The following PIEZO2 variants were observed in gnomAD, a reference collection of about 807,000 sequenced individuals.
The protein encoded by PIEZO2 is piezo-type mechanosensitive ion channel component 2.
In PIEZO2, 172 loss-of-function variants were observed where a neutral mutation model predicts 337.3. The ratio of observed to expected loss-of-function variants is 0.51; its 90% CI spans 0.45 to 0.58. PIEZO2 has a LOEUF of 0.58. PIEZO2 is among the 20% of genes least tolerant of loss of function. The pLI, the probability that PIEZO2 is intolerant of heterozygous loss-of-function variation, is 0.00. For synonymous variants in PIEZO2, 1,251 were observed against 1,228.5 expected (o/e 1.02, Z -0.38); for missense variants, 3,028 against 3,391.3 (o/e 0.89, Z 2.66).
chr18:10,707,102 G>A lies in PIEZO2; in HGVS notation c.5588+1173C>T, dbSNP rs555057758. On this transcript the variant is annotated intron_variant, in intron 40 of 55. Coordinates refer to ENST00000674853, the MANE Select transcript of PIEZO2 (RefSeq NM_001378183.1). The surrounding 1 kb of genome is among the most constrained non-coding windows in gnomAD (Gnocchi z 4.2). ...GTCCTTGAGTGCGCACATCATGTAC[G>A]GGCTGGTGAAATGCCAGCCCAAAAC... Among the ~76,000 whole-genome samples the A allele has an allele frequency of 2.0e-5, 3 of 152,196 alleles. No individual in the cohort carries two copies. Among genetic ancestry groups the A allele is most frequent in the Non-Finnish European group, 2.9e-5 (2 of 68,002 alleles).
intron 2 of PIEZO2, among the ~76,000 whole-genome samples, chr18:11,024,957 A>T (rs1321934254): frequency 1.9e-4 from 28 of 148,106 alleles, no homozygotes; most frequent in African/African-American, 2.5e-4. Context: ...TTTTTTTTTT[A>T]AATAATATTT....
intron 1 of PIEZO2, among the ~76,000 whole-genome samples, chr18:11,114,336 T>C (rs555435983): frequency 2.0e-5 from 3 of 152,324 alleles, no homozygotes. Context: ...GAAAGAGGCA[T>C]GTACAACTGT....
rs540599052 is a variant in PIEZO2 at position 10,847,930 on chromosome 18, A to G, written c.917+7423T>C. ...GTTGGGTTCATTTGCATTCCTTAGC[A>G]TTATAATAACGTGCTTTACATTTGT... On this transcript the variant is annotated intron_variant, in intron 7 of 55. Transcript: ENST00000674853. The surrounding 1 kb of genome is among the most constrained non-coding windows in gnomAD (Gnocchi z 5.7). Among the ~76,000 whole-genome samples, 1 of 152,324 alleles carries G rather than the reference A, an allele frequency of 6.6e-6. No homozygotes were observed. Among genetic ancestry groups the G allele is most frequent in the East Asian group, 1.9e-4 (1 of 5,178 alleles).
chr18:11,000,236 A>G (rs954212343), intron 2 of PIEZO2, among the ~76,000 whole-genome samples: 1 of 152,164 alleles, frequency 6.6e-6, no homozygotes, highest in Non-Finnish European at 1.5e-5. Flanking sequence ...CAAGTGGGAT[A>G]TGGAATTCCC....
Position 11,002,961 on chromosome 18 carries a change from CAG to C in PIEZO2, c.161-23303_161-23302del, listed in dbSNP as rs1255059844. Among the ~76,000 whole-genome samples the C allele has an allele frequency of 6.6e-5, 10 of 152,178 alleles. No homozygotes were observed. Among genetic ancestry groups the C allele is most frequent in the Non-Finnish European group, 1.5e-4 (10 of 68,038 alleles). On this transcript the variant is annotated intron_variant, in intron 2 of 55. Coordinates refer to ENST00000674853, the MANE Select transcript of PIEZO2 (RefSeq NM_001378183.1). This position sits in a 1 kb window ranked among gnomAD's most constrained non-coding sequence, Gnocchi z 4.3. ...AGTTGATTAACCAGTGCCACTCAAA[CAG>C]AGGAAGTGAGGCAAGAGGCGCTCCT...
chr18:10,814,044 G>T (rs375929985), intron 7 of PIEZO2, among the ~76,000 whole-genome samples: 10 of 150,674 alleles, frequency 6.6e-5, no homozygotes, highest in Non-Finnish European at 1.2e-4. Context: ...CTCGGCTCTC[G>T]GCAAGCTCCA....
chr18:10,711,074 A>C (rs2035801452), intron 39 of PIEZO2, among the ~76,000 whole-genome samples: 1 of 152,228 alleles, frequency 6.6e-6, no homozygotes, highest in Non-Finnish European at 1.5e-5. Context: ...TCTTTGTCAA[A>C]AAGCAATCGA....
chr18:10,746,492 G>A lies in PIEZO2; in HGVS notation c.4424+1979C>T, dbSNP rs1030026928. On this transcript the variant is annotated intron_variant, in intron 30 of 55. Transcript: ENST00000674853. This position sits in a 1 kb window ranked among gnomAD's most constrained non-coding sequence, Gnocchi z 4.2. ...GGGAATGGAAGGCCACCTGGTTCAC[G>A]CCCCTGCAGCTGGTTATATTCCCTT... 6.6e-6 allele frequency among the ~76,000 whole-genome samples: 1 copy of A among 152,148 alleles called. No homozygotes were observed. Among genetic ancestry groups the A allele is most frequent in the African/African-American group, 2.4e-5 (1 of 41,426 alleles).
chr18:10,722,957 A>ATTTTTTTTTTT (rs36042609), intron 36 of PIEZO2, among the ~76,000 whole-genome samples: 1 of 84,312 alleles, frequency 1.2e-5, no homozygotes, highest in African/African-American at 4.8e-5. Flanking sequence ...GGATGCAGTG[A>ATTTTTTTTTTT]TTTTTTTTTT....
rs900701067 is a variant in PIEZO2, at chr18:11,125,764, T to G, written c.64+22761A>C. ...AACTCCGGATCCTCTCTCTGAGCAG[T>G]GCCAATTTTTCCAAAGTGTTTAGAG... On this transcript the variant is annotated intron_variant, in intron 1 of 55. Coordinates refer to ENST00000674853, the MANE Select transcript of PIEZO2 (RefSeq NM_001378183.1). This position sits in a 1 kb window ranked among gnomAD's most constrained non-coding sequence, Gnocchi z 4.4. 6.6e-6 allele frequency among the ~76,000 whole-genome samples: 1 copy of G among 152,204 alleles called. No homozygotes were observed. Among genetic ancestry groups the G allele is most frequent in the Non-Finnish European group, 1.5e-5 (1 of 68,042 alleles).
Position 11,099,825 on chromosome 18 carries a change from T to C in PIEZO2, c.65-33603A>G, listed in dbSNP as rs2039359034. ...ATTCATTAGTGATTTGTATATCTTC[T>C]TTTGTAAGTTGCTGATGAATACTAT... is the stretch of plus-strand genomic sequence containing the variant. On this transcript the variant is annotated intron_variant, in intron 1 of 55. Transcript: ENST00000674853. This position sits in a 1 kb window ranked among gnomAD's most constrained non-coding sequence, Gnocchi z 5.4. 6.6e-6 allele frequency among the ~76,000 whole-genome samples: 1 copy of C among 152,214 alleles called. No individual in the cohort carries two copies. Among genetic ancestry groups the C allele is most frequent in the Non-Finnish European group, 1.5e-5 (1 of 68,042 alleles).
chr18:10,681,602 T>C (rs113482899), intron 51 of PIEZO2, 59 bp downstream of exon 51: 132 of 1,367,476 alleles, frequency 9.7e-5, no homozygotes, highest in Non-Finnish European at 1.3e-4. Flanking sequence ...TAAATGACAA[T>C]GAGTGAACTT....
chr18:11,075,047 T>G (rs1267568898), intron 1 of PIEZO2, among the ~76,000 whole-genome samples: 4 of 144,478 alleles, frequency 2.8e-5, no homozygotes, highest in Non-Finnish European at 6.1e-5. Flanking sequence ...ACTAAGTGTG[T>G]TTTAATGCTC....
intron 27 of PIEZO2, among the ~76,000 whole-genome samples, chr18:10,757,582 T>A (rs2037931574): frequency 7.1e-6 from 1 of 140,466 alleles, no homozygotes; most frequent in African/African-American, 2.7e-5. Flanking sequence ...GGATGAGGGA[T>A]GAAAGATAAG....
intron 3 of PIEZO2, among the ~76,000 whole-genome samples, chr18:10,926,216 G>T (rs75128576): frequency 0.14 from 21,043 of 152,200 alleles, 2,006 homozygotes; most frequent in African/African-American, 0.27. Context: ...CACTGCCGGG[G>T]GAGACCGGGT....
chr18:10,704,564 T>A lies in PIEZO2; in HGVS notation c.6088A>T (p.Thr2030Ser). The change falls in exon 42 of 56, where the codon ACC becomes TCC. Residue 2030 changes from threonine to serine, a missense_variant. Thr to Ser is a moderately conservative substitution (Grantham distance 58, BLOSUM62 1). Coordinates refer to ENST00000674853, the MANE Select transcript of PIEZO2 (RefSeq NM_001378183.1). ...FLLLFYAMYN[T>S]LVARSEMVCY... ...ACCATCTCCGAGCGGGCCACCAGGG[T>A]ATTGTACATGGCATAGAAGAGCAGC... 2 of 1,537,224 alleles carry A rather than the reference T, an allele frequency of 1.3e-6. No individual in the cohort carries two copies. The highest frequency in any genetic ancestry group is 1.7e-6 in the Non-Finnish European group (2 of 1,146,914).
At chr18:11,089,828 C>T (rs763913234) in intron 1 of PIEZO2, among the ~76,000 whole-genome samples, 1 of 152,216 alleles carries the variant, frequency 6.6e-6, no homozygotes, top group African/African-American at 2.4e-5. Context: ...CCAGCTCTGT[C>T]CAACGAGCAT....
Position 10,702,466 on chromosome 18 carries a change from A to G in PIEZO2, c.6259-295T>C, listed in dbSNP as rs58469131. 0.23 allele frequency among the ~76,000 whole-genome samples: 34,520 copies of G among 152,162 alleles called. 3,968 individuals carry two copies. Among genetic ancestry groups the G allele is most frequent in the South Asian group, 0.28 (1,330 of 4,818 alleles). On this transcript the variant is annotated intron_variant, in intron 42 of 55. Transcript: ENST00000674853. ...ATTTCCTCTTTTTTGAGGTGTTGGC[A>G]TTATACTTATTTAATTAGATATTGA...
In PIEZO2 at chr18:11,149,511, G is replaced by C. The variant is rs1244046166; in HGVS notation, c.-923C>G. Among the ~76,000 whole-genome samples, 2 of 151,944 alleles carry C rather than the reference G, an allele frequency of 1.3e-5. No homozygotes were observed. The highest frequency in any genetic ancestry group is 2.9e-5 in the Non-Finnish European group (2 of 67,926). Reference sequence around the variant, plus strand: ...CGCGACCACCGCCTGCCGCCTTGCAGCCTCGCCCTCGCGGCGCAGCCGGGG... The same window carrying C: ...CGCGACCACCGCCTGCCGCCTTGCACCCTCGCCCTCGCGGCGCAGCCGGGG... On this transcript the variant is annotated 5_prime_UTR_variant, in exon 1 of 56. Transcript: ENST00000674853. The surrounding 1 kb of genome is among the most constrained non-coding windows in gnomAD (Gnocchi z 8.7).
Sources: allele counts gnomAD v4.1 joint callset (sites outside exome capture counted in the v4.1 genomes callset), GRCh38; gene constraint gnomAD v4.1.1; non-coding constraint Gnocchi (gnomAD v3.1); transcripts MANE v1.5; gene names NCBI Gene and HGNC (gene_info 2026-07-23, HGNC 2026-07-21).